The following PPP3CC variants were observed in gnomAD, a reference collection of about 807,000 sequenced individuals.
The protein encoded by PPP3CC is serine/threonine-protein phosphatase 2B catalytic subunit gamma isoform.
A neutral mutation model predicts 60.3 loss-of-function variants in PPP3CC; 35 were observed. That is an observed-to-expected ratio of 0.58 (90% CI 0.44 to 0.77). The LOEUF (loss-of-function observed/expected upper bound fraction) is 0.77. Ranked by LOEUF, PPP3CC falls within the 30% of genes least tolerant of loss-of-function variation. The pLI is 0.00. For synonymous variants in PPP3CC, 206 were observed against 224.3 expected (o/e 0.92, Z 0.73); for missense variants, 570 against 628.9 (o/e 0.91, Z 1.00).
intron 10 of PPP3CC, among the ~76,000 whole-genome samples, chr8:22,531,044 T>C (rs1839700404): frequency 6.6e-6 from 1 of 152,124 alleles, no homozygotes. Flanking sequence ...TTAGAAAATA[T>C]TGGATGCTCA....
At chr8:22,484,879 A>T (rs539764180) in intron 3 of PPP3CC, among the ~76,000 whole-genome samples, 6 of 152,276 alleles carry the variant, frequency 3.9e-5, no homozygotes, top group African/African-American at 1.4e-4. Context: ...AGAAAAAGAT[A>T]AGAGGAGGCA....
Position 22,540,950 on chromosome 8 carries a change from C to CT in PPP3CC, c.*149dup, listed in dbSNP as rs1487669710. 6.2e-6 allele frequency: 4 copies of CT among 649,978 alleles called. No individual in the cohort carries two copies. Among genetic ancestry groups the CT allele is most frequent in the Non-Finnish European group, 6.8e-6 (3 of 438,098 alleles). 40.3% of individuals were successfully genotyped at this position (649,978 alleles called of 1,614,324 possible). A position where few individuals can be genotyped will look rare whatever the true frequency, so the allele number is the denominator to read the frequency against. ...CTGCATTTATTCTGTAAAAAGGTGG[C>CT]TGTTTTATAAATTCTTTTAATTTAT... On this transcript the variant is annotated 3_prime_UTR_variant, in exon 14 of 14. Coordinates refer to ENST00000240139, the MANE Select transcript of PPP3CC (RefSeq NM_005605.5).
Position 22,457,052 on chromosome 8 carries a change from C to CCCCT in PPP3CC, c.49+15613_49+15616dup, listed in dbSNP as rs1378707387. On this transcript the variant is annotated intron_variant, in intron 1 of 13. Coordinates refer to ENST00000240139, the MANE Select transcript of PPP3CC (RefSeq NM_005605.5). ...TCCTCCCTTCCTCCCTCCCTTCCTT[C>CCCCT]CCCTCCCTCCCTCCCTCCCTCCTTC... 5.2e-5 allele frequency among the ~76,000 whole-genome samples: 5 copies of CCCCT among 96,908 alleles called. No individual in the cohort carries two copies. The South Asian group carries it at 1.5e-3, about 29-fold the overall frequency. 63.6% of individuals were successfully genotyped at this position (96,908 alleles called of 152,430 possible). A position where few individuals can be genotyped will look rare whatever the true frequency, so the allele number is the denominator to read the frequency against.
chr8:22,468,291 G>T (rs1377337692), intron 1 of PPP3CC, among the ~76,000 whole-genome samples: 1 of 151,974 alleles, frequency 6.6e-6, no homozygotes, highest in Non-Finnish European at 1.5e-5. Flanking sequence ...TTTGGTAGAG[G>T]CAAGAGTGTC....
intron 1 of PPP3CC, among the ~76,000 whole-genome samples, chr8:22,453,663 G>T (rs1333461263): frequency 6.6e-6 from 1 of 152,140 alleles, no homozygotes; most frequent in Non-Finnish European, 1.5e-5. Flanking sequence ...TACAAACCTA[G>T]ATGTTATATA....
intron 3 of PPP3CC, among the ~76,000 whole-genome samples, chr8:22,493,246 A>G (rs1431013187): frequency 2.6e-5 from 4 of 152,302 alleles, no homozygotes; most frequent in South Asian, 4.1e-4. Flanking sequence ...TTTAAGCCCA[A>G]GCTCCTTGGA....
chr8:22,541,068 G>C lies in PPP3CC; in HGVS notation c.*266G>C. 4.1e-6 allele frequency: 1 copy of C among 242,790 alleles called. No individual in the cohort carries two copies. Among genetic ancestry groups the C allele is most frequent in the Non-Finnish European group, 7.8e-6 (1 of 127,670 alleles). 15.0% of individuals were successfully genotyped at this position (242,790 alleles called of 1,614,324 possible). ...ATCTGATTGTTGTCAACACATTTGT[G>C]AAGTCTTGTGCTATAAAGGGGAACT... On this transcript the variant is annotated 3_prime_UTR_variant, in exon 14 of 14. Coordinates refer to ENST00000240139, the MANE Select transcript of PPP3CC (RefSeq NM_005605.5).
intron 1 of PPP3CC, 122 bp downstream of exon 1, chr8:22,441,580 G>A: frequency 9.0e-7 from 1 of 1,107,722 alleles, no homozygotes; most frequent in Non-Finnish European, 1.2e-6. Context: ...TCGGAGGGGT[G>A]TAGACAGAGC....
At chr8:22,517,634 A>G (rs2117107388) in intron 6 of PPP3CC, among the ~76,000 whole-genome samples, 1 of 152,002 alleles carries the variant, frequency 6.6e-6, no homozygotes, top group Middle Eastern at 3.4e-3. Context: ...TGGGTTTTCC[A>G]GTGTTTTGGT....
At chr8:22,525,941 C>CACT (rs1839550785) in intron 8 of PPP3CC, among the ~76,000 whole-genome samples, 1 of 150,790 alleles carries the variant, frequency 6.6e-6, no homozygotes, top group South Asian at 2.1e-4. Flanking sequence ...GGTCTTGGCT[C>CACT]ACTACAACCT....
intron 6 of PPP3CC, among the ~76,000 whole-genome samples, chr8:22,517,212 T>C (rs540781348): frequency 6.6e-6 from 1 of 152,254 alleles, no homozygotes; most frequent in Non-Finnish European, 1.5e-5. Context: ...ATCCCAGGGA[T>C]AAATCCCATT....
intron 1 of PPP3CC, among the ~76,000 whole-genome samples, chr8:22,442,263 G>C (rs1448107188): frequency 6.6e-6 from 1 of 152,172 alleles, no homozygotes; most frequent in Admixed American, 6.6e-5. Flanking sequence ...CCTTCTCTCT[G>C]AGATTAACAA....
At chr8:22,443,704 A>G (rs1836743900) in intron 1 of PPP3CC, among the ~76,000 whole-genome samples, 1 of 152,200 alleles carries the variant, frequency 6.6e-6, no homozygotes. Context: ...GGTCCTTAGA[A>G]TGTATGGATT....
chr8:22,460,616 T>C (rs1369750338), intron 1 of PPP3CC, among the ~76,000 whole-genome samples: 1 of 151,978 alleles, frequency 6.6e-6, no homozygotes, highest in Non-Finnish European at 1.5e-5. Context: ...AGCCAGGAGT[T>C]TGAGACCAGC....
chr8:22,455,190 A>G (rs1024184342), intron 1 of PPP3CC, among the ~76,000 whole-genome samples: 1 of 152,150 alleles, frequency 6.6e-6, no homozygotes, highest in African/African-American at 2.4e-5. Context: ...ATGAGTTCCT[A>G]TTACATGGAG....
At chr8:22,459,754 A>C (rs368398765) in intron 1 of PPP3CC, among the ~76,000 whole-genome samples, 1 of 152,172 alleles carries the variant, frequency 6.6e-6, no homozygotes, top group South Asian at 2.1e-4. Context: ...CTAATCCCCA[A>C]TGTAATGGTA....
At chr8:22,458,091 C>T (rs1837261209) in intron 1 of PPP3CC, among the ~76,000 whole-genome samples, 1 of 151,142 alleles carries the variant, frequency 6.6e-6, no homozygotes, top group Admixed American at 6.6e-5. Flanking sequence ...ATCTCCGTCG[C>T]ACCAAAAAAC....
chr8:22,483,785 A>G (rs76971341), intron 3 of PPP3CC, among the ~76,000 whole-genome samples: 8,355 of 152,144 alleles, frequency 0.055, 779 homozygotes, highest in African/African-American at 0.19. Context: ...ATTCTTTGTC[A>G]TACAAAATTA....
Position 22,462,078 on chromosome 8 carries a change from T to G in PPP3CC, c.50-12876T>G, listed in dbSNP as rs558477576. Among the ~76,000 whole-genome samples the G allele has an allele frequency of 1.9e-4, 29 of 152,084 alleles. 1 individual carries two copies. The South Asian group carries it at 6.0e-3, about 32-fold the overall frequency. ...AGTGAGACCTCAGTCTTTAAAAAAA[T>G]TTTTTTAAAATTAAAATTAACTGAG... On this transcript the variant is annotated intron_variant, in intron 1 of 13. Transcript: ENST00000240139.
Sources: gnomAD v4.1 joint callset for allele counts (sites outside exome capture counted in the v4.1 genomes callset) on GRCh38, gnomAD v4.1.1 for gene constraint, MANE v1.5 for transcripts, NCBI Gene and HGNC (gene_info 2026-07-23, HGNC 2026-07-21) for gene names.